Variants in POLQ observed in about 807,000 individuals in gnomAD.
POLQ encodes the protein DNA polymerase theta, also known as epididymis secretory sperm binding protein.
Under a neutral mutation model 259.2 loss-of-function variants are expected in POLQ, and 233 were observed. The ratio of observed to expected loss-of-function variants is 0.90; its 90% confidence interval spans 0.81 to 1.00. The LOEUF (loss-of-function observed/expected upper bound fraction) is 1.00, where lower values mean the gene tolerates loss of function less well. Among genes scored for constraint, POLQ ranks in the 50% least tolerant of loss-of-function variants. The pLI is 0.00. For synonymous variants in POLQ, 1,025 were observed against 1,048.8 expected (o/e 0.98, Z 0.44); for missense variants, 2,871 against 3,051.6 (o/e 0.94, Z 1.39).
At chr3:121,448,457 C>T (rs2047647828) in intron 26 of POLQ, among the ~76,000 whole-genome samples, 1 of 151,994 alleles carries the variant, frequency 6.6e-6, no homozygotes, top group South Asian at 2.1e-4. Context: ...ACCTCCGCCT[C>T]CCAGGTTCAA....
chr3:121,472,679 T>G (rs2047895094), intron 21 of POLQ, among the ~76,000 whole-genome samples: 1 of 152,170 alleles, frequency 6.6e-6, no homozygotes, highest in Non-Finnish European at 1.5e-5. Context: ...TGAGATTAAA[T>G]TAAAAATTGT....
chr3:121,476,401 A>G (rs1196277673), intron 20 of POLQ, 139 bp downstream of exon 20: 1 of 554,782 alleles, frequency 1.8e-6, no homozygotes, highest in East Asian at 3.1e-5. Context: ...ATATTCCCAA[A>G]GCAATCTGGT....
Position 121,518,024 on chromosome 3 carries a change from C to T in POLQ, c.1468+1847G>A, listed in dbSNP as rs147297392. Among the ~76,000 whole-genome samples, 23 of 152,256 alleles carry T rather than the reference C, an allele frequency of 1.5e-4. No homozygotes were observed. The East Asian group carries it at 2.5e-3, about 17-fold the overall frequency. ...GTAGTCATGTTCTATAAAGCTGCCA[C>T]GAACACAGAATACTGAACCCTTGCT... is the stretch of plus-strand genomic sequence containing the variant. On this transcript the variant is annotated intron_variant, in intron 9 of 29. Coordinates refer to ENST00000264233, the MANE Select transcript of POLQ (RefSeq NM_199420.4).
chr3:121,540,159 T>C (rs1057157683), intron 3 of POLQ, among the ~76,000 whole-genome samples: 3 of 152,162 alleles, frequency 2.0e-5, no homozygotes, highest in African/African-American at 4.8e-5. Context: ...GATGTTACCA[T>C]GTATGACCAG....
Position 121,482,260 on chromosome 3 carries a change from T to C in POLQ, c.5971-448A>G, listed in dbSNP as rs2047977200. On this transcript the variant is annotated intron_variant, in intron 18 of 29. Coordinates refer to ENST00000264233, the MANE Select transcript of POLQ (RefSeq NM_199420.4). ...GGCGCCGGGCGCAGTGGCTGACACC[T>C]GTAATCCCAGCACTTTGGGAGACTG... 2.0e-5 allele frequency among the ~76,000 whole-genome samples: 3 copies of C among 152,212 alleles called. No homozygotes were observed. The South Asian group carries it at 6.2e-4, about 32-fold the overall frequency.
intron 9 of POLQ, among the ~76,000 whole-genome samples, chr3:121,515,018 C>T (rs879714566): frequency 2.0e-5 from 3 of 152,086 alleles, no homozygotes; most frequent in Non-Finnish European, 4.4e-5. Flanking sequence ...AAGGACCTGC[C>T]CCAGGTGGAA....
intron 7 of POLQ, among the ~76,000 whole-genome samples, chr3:121,527,067 A>G (rs1368701711): frequency 6.7e-6 from 1 of 149,542 alleles, no homozygotes; most frequent in Non-Finnish European, 1.5e-5. Flanking sequence ...CCACACCTGG[A>G]TATTTTTTTT....
chr3:121,433,475 T>C (rs544541680), intron 28 of POLQ, among the ~76,000 whole-genome samples: 2 of 152,252 alleles, frequency 1.3e-5, no homozygotes, highest in South Asian at 4.1e-4. Context: ...TGGCCAGAAG[T>C]GTCATCGTGA....
chr3:121,520,098 T>A lies in POLQ; in HGVS notation c.1256-15A>T. ...AAAAGTAAGACCTAAAAAAAGGAGGTTTTTATATATTTATTGATATATAAC... is the reference window on the plus strand; with the variant it reads ...AAAAGTAAGACCTAAAAAAAGGAGGATTTTATATATTTATTGATATATAAC... On this transcript the variant is annotated splice_polypyrimidine_tract_variant and intron_variant, in intron 8 of 29. Transcript: ENST00000264233. The A allele has an allele frequency of 6.7e-7, 1 of 1,486,006 alleles. No homozygotes were observed. Among genetic ancestry groups the A allele is most frequent in the Non-Finnish European group, 9.4e-7 (1 of 1,067,788 alleles). The allele number at this position is 1,486,006 out of a possible 1,614,324, so 92.1% of individuals were successfully genotyped here. A position where few individuals can be genotyped will look rare whatever the true frequency, so the allele number is the denominator to read the frequency against.
At position 121,485,072 on chromosome 3, in the gene POLQ, A is replaced by C. The variant is rs2048000818; in HGVS notation, c.5742T>G (p.Tyr1914Ter). 1 of 1,613,010 alleles carries C rather than the reference A, an allele frequency of 6.2e-7. No homozygotes were observed. ...GCTTTTGTTCCTTCTGCAGTGAAAAATAATAGGCATCCCTTCCACCCCAGC... is the reference window on the plus strand; with the variant it reads ...GCTTTTGTTCCTTCTGCAGTGAAAACTAATAGGCATCCCTTCCACCCCAGC... Reference protein sequence around the residue: ...AVCWGGRDAYYFSLQKEQKHS... With the variant: ...AVCWGGRDAY Residue 1914 changes from tyrosine to a stop codon, truncating the protein, a stop_gained, in exon 17 of 30, where the codon TAT becomes TAG. Coordinates refer to ENST00000264233, the MANE Select transcript of POLQ (RefSeq NM_199420.4). LOFTEE classifies it high-confidence loss of function.
intron 18 of POLQ, among the ~76,000 whole-genome samples, chr3:121,482,980 T>A (rs756070310): frequency 3.9e-5 from 6 of 152,146 alleles, no homozygotes; most frequent in Non-Finnish European, 7.4e-5. Context: ...CTAACTACAA[T>A]CCTTTTTGTC....
At chr3:121,437,233 C>A (rs897990217) in intron 27 of POLQ, among the ~76,000 whole-genome samples, 16 of 152,086 alleles carry the variant, frequency 1.1e-4, no homozygotes, top group African/African-American at 3.4e-4. Flanking sequence ...AAAAACCTCT[C>A]TCCACACCTA....
chr3:121,500,523 G>A (rs1243990130), intron 12 of POLQ, among the ~76,000 whole-genome samples: 2 of 152,136 alleles, frequency 1.3e-5, no homozygotes, highest in African/African-American at 4.8e-5. Flanking sequence ...TAAAGACTAT[G>A]CAATCTGAAA....
chr3:121,501,458 G>GACCA (rs1306710087), intron 12 of POLQ, among the ~76,000 whole-genome samples: 1 of 150,244 alleles, frequency 6.7e-6, no homozygotes, highest in Non-Finnish European at 1.5e-5. Context: ...AGGAGATCGA[G>GACCA]ACCATCCCGG....
intron 25 of POLQ, among the ~76,000 whole-genome samples, chr3:121,457,700 A>C (rs1394911049): frequency 1.3e-5 from 2 of 152,228 alleles, no homozygotes. Context: ...ATCTCATACC[A>C]GTTAGAATGG....
At chr3:121,544,460 G>C (rs2048513926) in intron 2 of POLQ, among the ~76,000 whole-genome samples, 1 of 152,146 alleles carries the variant, frequency 6.6e-6, no homozygotes, top group South Asian at 2.1e-4. Flanking sequence ...ACACTCACTG[G>C]GATATATGTT....
rs757173473 is a variant in POLQ, at chr3:121,488,559, C to G, written c.4372G>C (p.Val1458Leu). The change falls in exon 16 of 30, where the codon GTT becomes CTT. Residue 1458 changes from valine (V) to leucine (L), a missense_variant. Transcript: ENST00000264233. Reference sequence around the variant, plus strand: ...CTCTTTTGAGGAATCAGAAGTATAACTGGTTTCACAGTTTCTTGTGTTTGA... The same window carrying G: ...CTCTTTTGAGGAATCAGAAGTATAAGTGGTTTCACAGTTTCTTGTGTTTGA... ...GYQTQETVKP[V>L]ILLIPQKRTP... 5 of 1,611,724 alleles carry G rather than the reference C, an allele frequency of 3.1e-6. No homozygotes were observed. In the East Asian group the frequency reaches 1.1e-4, roughly 36 times the overall value.
At chr3:121,544,536 C>T (rs2048514706) in intron 2 of POLQ, among the ~76,000 whole-genome samples, 191 bp downstream of exon 2, 1 of 152,062 alleles carries the variant, frequency 6.6e-6, no homozygotes, top group Admixed American at 6.6e-5. Context: ...CTTCCCTCCA[C>T]CCCAGTCAAA....
chr3:121,440,070 G>C lies in POLQ; in HGVS notation c.7311C>G (p.Asp2437Glu). The C allele has an allele frequency of 6.2e-7, 1 of 1,608,406 alleles. No individual in the cohort carries two copies. Among genetic ancestry groups the C allele is most frequent in the Non-Finnish European group, 8.5e-7 (1 of 1,174,980 alleles). ...MTETVKNCKR[D>E]GFVQTILGRR... ...TTCCCAAAATGGTCTGAACAAATCC[G>C]TCTCTTTTACAATTCTTCACTGTCT... The change falls in exon 27 of 30, where the codon GAC becomes GAG. Residue 2437 changes from aspartate to glutamate, a missense_variant. Coordinates refer to ENST00000264233, the MANE Select transcript of POLQ (RefSeq NM_199420.4).
Sources: gnomAD v4.1 joint callset for allele counts (sites outside exome capture counted in the v4.1 genomes callset) on GRCh38, gnomAD v4.1.1 for gene constraint, MANE v1.5 for transcripts, NCBI Gene and HGNC (gene_info 2026-07-23, HGNC 2026-07-21) for gene names.